Variants in PELO observed in about 807,000 individuals in gnomAD.
PELO encodes pelota mRNA surveillance and ribosome rescue factor.
A neutral mutation model predicts 25.9 loss-of-function variants in PELO; 19 were observed. The ratio of observed to expected loss-of-function variants is 0.73; its 90% CI spans 0.51 to 1.08. PELO has a LOEUF of 1.08. Among genes scored for constraint, PELO ranks in the 50% least tolerant of loss-of-function variants. The pLI is 0.00. For synonymous variants in PELO, 196 were observed against 192.2 expected (o/e 1.02, Z -0.16); for missense variants, 498 against 491.4 (o/e 1.01, Z -0.13).
In PELO at chr5:52,800,543, A is replaced by G. The variant is rs749484314; in HGVS notation, c.149A>G (p.Glu50Gly). ...RASTIRKVQT[E>G]SSTGSVGSNR... Reference sequence around the variant, plus strand: ...TCCACCATCCGCAAGGTACAGACAGAGTCCTCCACGGGCAGCGTGGGCAGC... The same window carrying G: ...TCCACCATCCGCAAGGTACAGACAGGGTCCTCCACGGGCAGCGTGGGCAGC... The change falls in exon 2 of 3, where the codon GAG becomes GGG. Residue 50 changes from glutamate to glycine, a missense_variant. Glu to Gly is a moderately conservative substitution (Grantham distance 98, BLOSUM62 -2). Transcript: ENST00000274311. The G allele has an allele frequency of 6.2e-7, 1 of 1,613,960 alleles. No homozygotes were observed. The highest frequency in any genetic ancestry group is 1.1e-5 in the South Asian group (1 of 91,062).
chr5:52,803,137 G>A lies in PELO; in HGVS notation c.*1297G>A. ...CTAAACTTTCGCCGGTCTTTCCTGT[G>A]TCTGTGGGCCTTCCTCCTGGTGTGA... On this transcript the variant is annotated 3_prime_UTR_variant, in exon 3 of 3. Coordinates refer to ENST00000274311, the MANE Select transcript of PELO (RefSeq NM_015946.5). 6.6e-6 allele frequency: 1 copy of A among 152,130 alleles called. No individual in the cohort carries two copies. The allele number at this position is 152,130 out of a possible 1,614,324, so 9.4% of individuals were successfully genotyped here. A position where few individuals can be genotyped will look rare whatever the true frequency, so the allele number is the denominator to read the frequency against.
At chr5:52,790,004 C>T (rs947746806) in intron 1 of PELO, among the ~76,000 whole-genome samples, 4 of 152,138 alleles carry the variant, frequency 2.6e-5, no homozygotes, top group East Asian at 3.9e-4. Context: ...ATGCCCATTT[C>T]GCAACACATG....
rs181755219 is a variant in PELO at position 52,799,868 on chromosome 5, C to A, written c.-510-17C>A. ...AAACTAGTATTTGCACTCACACACTCCCCGGATTCTTCACAGACAGGGATG... is the reference window on the plus strand; with the variant it reads ...AAACTAGTATTTGCACTCACACACTACCCGGATTCTTCACAGACAGGGATG... On this transcript the variant is annotated splice_polypyrimidine_tract_variant and intron_variant, in intron 1 of 2. Transcript: ENST00000274311. 1.2e-5 allele frequency: 2 copies of A among 164,252 alleles called. No homozygotes were observed. The highest frequency in any genetic ancestry group is 3.8e-4 in the East Asian group (2 of 5,332). The allele number at this position is 164,252 out of a possible 1,614,324, so 10.2% of individuals were successfully genotyped here.
intron 1 of PELO, among the ~76,000 whole-genome samples, chr5:52,793,189 C>G (rs1748274768): frequency 6.6e-6 from 1 of 152,022 alleles, no homozygotes; most frequent in Admixed American, 6.6e-5. Context: ...ATCTAATTGC[C>G]TGTCTTTCCA....
At position 52,802,353 on chromosome 5, in the gene PELO, G is replaced by A. The variant is rs894224981; in HGVS notation, c.*513G>A. The A allele has an allele frequency of 6.6e-6, 1 of 152,206 alleles. No homozygotes were observed. The highest frequency in any genetic ancestry group is 6.5e-5 in the Admixed American group (1 of 15,284). The allele number at this position is 152,206 out of a possible 1,614,324, so 9.4% of individuals were successfully genotyped here. A position where few individuals can be genotyped will look rare whatever the true frequency, so the allele number is the denominator to read the frequency against. ...TTTAAATAGTTTTACTATTTTAAATGATTGCCGTACAATTAGTAGACTTGA... is the reference window on the plus strand; with the variant it reads ...TTTAAATAGTTTTACTATTTTAAATAATTGCCGTACAATTAGTAGACTTGA... On this transcript the variant is annotated 3_prime_UTR_variant, in exon 3 of 3. Coordinates refer to ENST00000274311, the MANE Select transcript of PELO (RefSeq NM_015946.5).
At chr5:52,790,584 C>G (rs566478008) in intron 1 of PELO, among the ~76,000 whole-genome samples, 4 of 152,264 alleles carry the variant, frequency 2.6e-5, no homozygotes, top group African/African-American at 9.6e-5. Context: ...CATCTTCAAC[C>G]GAGCAGGGTA....
At chr5:52,793,690 T>C (rs774468544) in intron 1 of PELO, among the ~76,000 whole-genome samples, 19 of 152,090 alleles carry the variant, frequency 1.2e-4, no homozygotes, top group Non-Finnish European at 1.9e-4. Context: ...TACAGAGATA[T>C]AACATTGTTC....
At position 52,800,938 on chromosome 5, in the gene PELO, T is replaced by C. The variant is rs1372074316; in HGVS notation, c.544T>C (p.Leu182=). ...CAATTGCTCTCAGCATGACCGGGCC[T>C]TGGAGCGGTTCTATGAACAGGTGGT... ...KGNCSQHDRA[L]ERFYEQVVQA... is the part of the protein sequence containing the mutation. The change falls in exon 2 of 3, where the codon TTG becomes CTG. Residue 182 remains leucine (L), a synonymous_variant. Coordinates refer to ENST00000274311, the MANE Select transcript of PELO (RefSeq NM_015946.5). The C allele has an allele frequency of 6.2e-7, 1 of 1,614,084 alleles. No homozygotes were observed. Among genetic ancestry groups the C allele is most frequent in the African/African-American group, 1.3e-5 (1 of 74,926 alleles).
intron 1 of PELO, among the ~76,000 whole-genome samples, chr5:52,798,299 A>G (rs150179285): frequency 1.3e-5 from 2 of 152,148 alleles, no homozygotes; most frequent in South Asian, 2.1e-4. Context: ...AGACATAGAG[A>G]GCGAGAAACA....
At position 52,800,193 on chromosome 5, in the gene PELO, G is replaced by A; in HGVS notation, c.-202G>A. 1 of 596,970 alleles carries A rather than the reference G, an allele frequency of 1.7e-6. No individual in the cohort carries two copies. Among genetic ancestry groups the A allele is most frequent in the Non-Finnish European group, 3.0e-6 (1 of 336,324 alleles). 37.0% of individuals were successfully genotyped at this position (596,970 alleles called of 1,614,324 possible). A position where few individuals can be genotyped will look rare whatever the true frequency, so the allele number is the denominator to read the frequency against. ...GAGCCTGTTAGACGCAGCGCGCCGG[G>A]AGACTGAGAGAGGAAAGGATAGAGG... On this transcript the variant is annotated 5_prime_UTR_variant, in exon 2 of 3. Transcript: ENST00000274311.
chr5:52,800,132 A>C lies in PELO; in HGVS notation c.-263A>C, dbSNP rs1324931745. The C allele has an allele frequency of 8.9e-5, 37 of 416,806 alleles. No homozygotes were observed. The highest frequency in any genetic ancestry group is 2.9e-4 in the Admixed American group (7 of 24,148). 25.8% of individuals were successfully genotyped at this position (416,806 alleles called of 1,614,324 possible). ...CCGCTGTTGCGTGCTGCCAGCGGGA[A>C]CTGTGTAGGGGTAGATTTTCGCTGC... On this transcript the variant is annotated 5_prime_UTR_variant, in exon 2 of 3. Transcript: ENST00000274311.
At chr5:52,801,384 C>T in intron 2 of PELO, 25 bp from the exon 3 acceptor site, 1 of 1,585,984 alleles carries the variant, frequency 6.3e-7, no homozygotes, top group Non-Finnish European at 8.6e-7. Flanking sequence ...ATTATTTTGC[C>T]TAACTTTTGT....
chr5:52,794,544 C>T (rs1453349619), intron 1 of PELO, among the ~76,000 whole-genome samples: 1 of 141,516 alleles, frequency 7.1e-6, no homozygotes, highest in East Asian at 2.0e-4. Context: ...CACTTCTGTT[C>T]ATAGGATTTT....
intron 1 of PELO, among the ~76,000 whole-genome samples, chr5:52,798,287 GGA>G (rs1364003419): frequency 3.9e-5 from 6 of 152,230 alleles, no homozygotes; most frequent in Admixed American, 2.0e-4. Flanking sequence ...GGAAGTAAGG[GGA>G]GACATAGAGA....
intron 1 of PELO, among the ~76,000 whole-genome samples, chr5:52,795,067 T>C (rs1748314876): frequency 6.6e-6 from 1 of 151,978 alleles, no homozygotes; most frequent in African/African-American, 2.4e-5. Flanking sequence ...AGTAACATTA[T>C]AAAACAGAAT....
chr5:52,801,316 C>A, intron 2 of PELO, 93 bp from the exon 3 acceptor site: 2 of 1,178,640 alleles, frequency 1.7e-6, no homozygotes, highest in Non-Finnish European at 2.4e-6. Flanking sequence ...ACATATGAAG[C>A]CTTACTAGCG....
chr5:52,800,798 C>T lies in PELO; in HGVS notation c.404C>T (p.Ala135Val). ...CAGGCCTGTGACCCAGCCTGGAGCG[C>T]TGATGTGGCGGCTGTGGTCATGCAG... ...IEQACDPAWS[A>V]DVAAVVMQEG... The change falls in exon 2 of 3, where the codon GCT becomes GTT. Residue 135 changes from alanine (A) to valine (V), a missense_variant. Coordinates refer to ENST00000274311, the MANE Select transcript of PELO (RefSeq NM_015946.5). 6.2e-7 allele frequency: 1 copy of T among 1,612,968 alleles called. No homozygotes were observed. The highest frequency in any genetic ancestry group is 8.5e-7 in the Non-Finnish European group (1 of 1,179,172).
chr5:52,796,129 C>T (rs191230519), intron 1 of PELO, among the ~76,000 whole-genome samples: 41 of 151,894 alleles, frequency 2.7e-4, no homozygotes, highest in African/African-American at 9.2e-4. Flanking sequence ...AATTCAATTC[C>T]CTCAATTCTT....
Position 52,800,995 on chromosome 5 carries a change from G to A in PELO, c.601G>A (p.Val201Ile), listed in dbSNP as rs776377670. Residue 201 changes from valine (V) to isoleucine (I), a missense_variant, in exon 2 of 3, where the codon GTT (valine) becomes ATT (isoleucine). Coordinates refer to ENST00000274311, the MANE Select transcript of PELO (RefSeq NM_015946.5). ...QAIQRHIHFD[V>I]VKCILVASPG... ...TATCCAGCGCCACATACACTTTGAT[G>A]TTGTAAAGTGCATCCTGGTGGCCAG... The A allele has an allele frequency of 1.2e-5, 20 of 1,614,208 alleles. No individual in the cohort carries two copies. The South Asian group carries it at 2.2e-4, about 18-fold the overall frequency.
Sources: allele counts gnomAD v4.1 joint callset (sites outside exome capture counted in the v4.1 genomes callset), GRCh38; gene constraint gnomAD v4.1.1; transcripts MANE v1.5; gene names NCBI Gene and HGNC (gene_info 2026-07-23, HGNC 2026-07-21).